The following ANKMY1 variants were observed in gnomAD, a reference collection of about 807,000 sequenced individuals.
ANKMY1 encodes the protein ankyrin repeat and MYND domain containing 1.
Under a neutral mutation model 102.0 loss-of-function variants are expected in ANKMY1, and 98 were observed. The ratio of observed to expected loss-of-function variants is 0.96; its 90% CI spans 0.82 to 1.14. The LOEUF (loss-of-function observed/expected upper bound fraction) is 1.14. ANKMY1 is among the 50% of genes most tolerant of loss of function. ANKMY1 has a pLI of 0.00. For synonymous variants in ANKMY1, 582 were observed against 559.9 expected (o/e 1.04, Z -0.56); for missense variants, 1,330 against 1,347.6 (o/e 0.99, Z 0.20).
chr2:240,478,118 C>T (rs2074978876), downstream of ANKMY1, among the ~76,000 whole-genome samples: 1 of 152,218 alleles, frequency 6.6e-6, no homozygotes, highest in African/African-American at 2.4e-5. Flanking sequence ...CCCCTTCCTC[C>T]CGCTCCAGCC....
chr2:240,528,635 C>A (rs1184877350), intron 5 of ANKMY1, among the ~76,000 whole-genome samples: 1 of 152,126 alleles, frequency 6.6e-6, no homozygotes, highest in Non-Finnish European at 1.5e-5. Flanking sequence ...GCACAGGGCC[C>A]AGGGCCAGGA....
rs181641881 is a variant in ANKMY1 at position 240,518,736 on chromosome 2, C to A, written c.2004+1626G>T. Among the ~76,000 whole-genome samples, 635 of 152,266 alleles carry A rather than the reference C, an allele frequency of 4.2e-3. 6 individuals carry two copies. Among genetic ancestry groups the A allele is most frequent in the African/African-American group, 0.015 (610 of 41,540 alleles). The stretch of plus-strand genomic sequence containing the variant: ...AACATGTGACACAGTGAAGGATGTC[C>A]GTGCCCAGTTTAAAGGTTGTGACCT... On this transcript the variant is annotated intron_variant, in intron 9 of 17. Transcript: ENST00000401804.
At chr2:240,470,626 A>T in the ANKMY1 span, among the ~76,000 whole-genome samples, 25 of 152,240 alleles carry the variant, frequency 1.6e-4, no homozygotes, top group Admixed American at 1.6e-3. Flanking sequence ...AAGAGCCAGT[A>T]AAAAACTCAT....
intron 13 of ANKMY1, among the ~76,000 whole-genome samples, chr2:240,505,214 C>A (rs923909600): frequency 6.6e-6 from 1 of 152,042 alleles, no homozygotes; most frequent in African/African-American, 2.4e-5. Context: ...GTAATCCCAG[C>A]ACTTTGGGAG....
chr2:240,557,355 G>A lies in ANKMY1; in HGVS notation c.-17-3C>T. 5 of 1,500,484 alleles carry A rather than the reference G, an allele frequency of 3.3e-6. No homozygotes were observed. The highest frequency in any genetic ancestry group is 4.5e-6 in the Non-Finnish European group (5 of 1,115,568). The allele number at this position is 1,500,484 out of a possible 1,614,324, so 92.9% of individuals were successfully genotyped here. A position where few individuals can be genotyped will look rare whatever the true frequency, so the allele number is the denominator to read the frequency against. ...TTCCATGTCTGTGGTCTTCCAACCT[G>A]CAAGCGACGTCAGGACCGCACATGT... On this transcript the variant is annotated splice_polypyrimidine_tract_variant and splice_region_variant and intron_variant, in intron 1 of 17. Transcript: ENST00000401804.
the ANKMY1 span, among the ~76,000 whole-genome samples, chr2:240,469,958 G>A: frequency 6.6e-6 from 1 of 151,844 alleles, no homozygotes; most frequent in Non-Finnish European, 1.5e-5. Context: ...ATGCACATGT[G>A]CACAGGCCTA....
In ANKMY1 at chr2:240,529,596, A is replaced by G; in HGVS notation, c.481-87T>C. 4 of 1,308,204 alleles carry G rather than the reference A, an allele frequency of 3.1e-6. No individual in the cohort carries two copies. The highest frequency in any genetic ancestry group is 3.1e-6 in the Non-Finnish European group (3 of 975,810). The allele number at this position is 1,308,204 out of a possible 1,614,324, so 81.0% of individuals were successfully genotyped here. On this transcript the variant is annotated intron_variant, in intron 4 of 17. Coordinates refer to ENST00000401804, the MANE Select transcript of ANKMY1 (RefSeq NM_001282771.3). The surrounding 1 kb of genome is among the most constrained non-coding windows in gnomAD (Gnocchi z 4.2). The stretch of plus-strand genomic sequence containing the variant: ...GTTTGTAACGTCAAAAGAAATCCCA[A>G]AAAAGAAAACTTTCCCAAGAAATGC...
At chr2:240,541,774 T>C (rs2088898656) in intron 4 of ANKMY1, among the ~76,000 whole-genome samples, 1 of 151,954 alleles carries the variant, frequency 6.6e-6, no homozygotes, top group African/African-American at 2.4e-5. Flanking sequence ...AGCACTGGGA[T>C]TACAGGCGTG....
Position 240,520,488 on chromosome 2 carries a change from GC to G in ANKMY1, c.1877del (p.Gly626AlafsTer18). The G allele has an allele frequency of 6.2e-7, 1 of 1,613,318 alleles. No homozygotes were observed. Among genetic ancestry groups the G allele is most frequent in the South Asian group, 1.1e-5 (1 of 91,054 alleles). On this transcript the variant is annotated frameshift_variant, in exon 9 of 18. Transcript: ENST00000401804. LOFTEE classifies it high-confidence loss of function. The surrounding 1 kb of genome is among the most constrained non-coding windows in gnomAD (Gnocchi z 4.8). ...GCACGCAGCACAGGTTGGGGTCCGC[GC>G]CCCGGCGCAGCAGCAGCTTGATGGT... The part of the protein sequence containing the change: ...WRTIKLLLRR[G>X]ADPNLCCVPM...
chr2:240,474,774 AG>A (rs1233909037), downstream of ANKMY1, among the ~76,000 whole-genome samples: 2 of 152,218 alleles, frequency 1.3e-5, no homozygotes, highest in Non-Finnish European at 2.9e-5. Context: ...ATGGCTGCAT[AG>A]TACTTCATGG....
At chr2:240,502,704 A>G (rs773661808) in intron 13 of ANKMY1, among the ~76,000 whole-genome samples, 3 of 151,668 alleles carry the variant, frequency 2.0e-5, no homozygotes, top group Non-Finnish European at 4.4e-5. Flanking sequence ...TTGCTGTCCC[A>G]GTGCTATACC....
At chr2:240,548,031 G>C (rs1393081483) in intron 4 of ANKMY1, among the ~76,000 whole-genome samples, 2 of 152,212 alleles carry the variant, frequency 1.3e-5, no homozygotes, top group Non-Finnish European at 2.9e-5. Context: ...GCATCATCCT[G>C]ATACCAAAGC....
chr2:240,523,006 A>C (rs2082607697), intron 8 of ANKMY1: 1 of 152,112 alleles, frequency 6.6e-6, no homozygotes, highest in African/African-American at 2.4e-5. Context: ...CCAATCAAAA[A>C]TGGGGCAGGA....
Position 240,499,707 on chromosome 2 carries a change from G to A in ANKMY1, c.2806+251C>T, listed in dbSNP as rs1026674179. Among the ~76,000 whole-genome samples the A allele has an allele frequency of 6.6e-6, 1 of 152,044 alleles. No homozygotes were observed. Among genetic ancestry groups the A allele is most frequent in the Non-Finnish European group, 1.5e-5 (1 of 67,960 alleles). On this transcript the variant is annotated intron_variant, in intron 15 of 17. Coordinates refer to ENST00000401804, the MANE Select transcript of ANKMY1 (RefSeq NM_001282771.3). The surrounding 1 kb of genome is among the most constrained non-coding windows in gnomAD (Gnocchi z 4.2). ...TCTCTCCTGGGCGTGGGGCCCCTCT[G>A]ACCTGGGCCCTGGCCCTAGGCCACC...
chr2:240,502,533 G>A (rs1462668568), intron 13 of ANKMY1, among the ~76,000 whole-genome samples: 1 of 151,892 alleles, frequency 6.6e-6, no homozygotes, highest in African/African-American at 2.4e-5. Context: ...GCTTTGGCCT[G>A]AGGCTTTCTC....
intron 13 of ANKMY1, among the ~76,000 whole-genome samples, chr2:240,503,791 C>A (rs1329986589): frequency 1.3e-5 from 2 of 152,204 alleles, no homozygotes; most frequent in Non-Finnish European, 2.9e-5. Context: ...GTGAACGTGA[C>A]TTTATTTGGA....
chr2:240,560,803 T>C (rs2125421655), upstream of ANKMY1: 3 of 1,444,040 alleles, frequency 2.1e-6, no homozygotes, highest in South Asian at 4.1e-5. Flanking sequence ...GAGGAGCAGC[T>C]GGCGCGCGCG....
At chr2:240,479,730 C>T in intron 17 of ANKMY1, 75 bp from the exon 18 acceptor site, 1 of 1,414,000 alleles carries the variant, frequency 7.1e-7, no homozygotes, top group Non-Finnish European at 9.9e-7. Context: ...GGCTCCAGAA[C>T]TCGGGCTGTG....
In ANKMY1 at chr2:240,500,051, G is replaced by A. The variant is rs766289505; in HGVS notation, c.2713C>T (p.Arg905Trp). The A allele has an allele frequency of 3.2e-5, 52 of 1,612,656 alleles. No individual in the cohort carries two copies. In the East Asian group the frequency reaches 4.9e-4, roughly 15 times the overall value. The part of the protein sequence containing the change: ...AERETFLARK[R>W]LLEYMGLQLR... ...TGCAAGCCCATGTACTCCAGGAGCC[G>A]CTTCCGCGCCAGGAACGTCTCGCGC... Residue 905 changes from arginine (R) to tryptophan (W), a missense_variant, in exon 15 of 18, where the codon CGG becomes TGG. Arg to Trp is a moderately radical substitution (Grantham distance 101). Transcript: ENST00000401804.
Sources: allele counts gnomAD v4.1 joint callset (sites outside exome capture counted in the v4.1 genomes callset), GRCh38; gene constraint gnomAD v4.1.1; non-coding constraint Gnocchi (gnomAD v3.1); transcripts MANE v1.5; gene names NCBI Gene and HGNC (gene_info 2026-07-23, HGNC 2026-07-21).